Variants in WFDC10B observed in about 807,000 individuals in gnomAD.
WFDC10B encodes protein WFDC10B.
WFDC10B carries 1 observed loss-of-function variant against 2.7 expected under a neutral mutation model. The observed-to-expected ratio is 0.38, with a 90% CI of 0.13 to 1.79. The LOEUF is 1.79. Ranked by LOEUF, WFDC10B falls within the 40% of genes most tolerant of loss-of-function variation. The pLI is 0.33. For synonymous variants in WFDC10B, 26 were observed against 32.2 expected, an observed-to-expected ratio of 0.81 and a Z score of 0.65; for missense variants, 71 against 87.8, an observed-to-expected ratio of 0.81 and a Z score of 0.76.
Position 45,704,521 on chromosome 20 carries a change from G to A in WFDC10B, c.-89C>T, listed in dbSNP as rs950993784. ...CCTGTGTACAATGCAGGAAGATTGCGAGAAAGGATTTCAGTGCTGTTCCTC... is the reference window on the plus strand; with the variant it reads ...CCTGTGTACAATGCAGGAAGATTGCAAGAAAGGATTTCAGTGCTGTTCCTC... On this transcript the variant is annotated 5_prime_UTR_variant, in exon 2 of 4. Coordinates refer to ENST00000330523, the MANE Select transcript of WFDC10B (RefSeq NM_172006.2). 19 of 1,614,008 alleles carry A rather than the reference G, an allele frequency of 1.2e-5. No individual in the cohort carries two copies. Among genetic ancestry groups the A allele is most frequent in the African/African-American group, 5.3e-5 (4 of 74,908 alleles).
At position 45,690,683 on chromosome 20, in the gene WFDC10B, G is replaced by GATAC. The variant is rs1422155325; in HGVS notation, c.-64-4631_-64-4628dup. Among the ~76,000 whole-genome samples the GATAC allele has an allele frequency of 1.2e-3, 185 of 152,200 alleles. 2 individuals carry two copies. The highest frequency in any genetic ancestry group is 3.5e-3 in the African/African-American group (144 of 41,536). On this transcript the variant is annotated intron_variant, in intron 2 of 3. Coordinates refer to ENST00000330523, the MANE Select transcript of WFDC10B (RefSeq NM_172006.2). ...TTTGTATTTCTGTGGGATCGGTGGT[G>GATAC]ATACCCCTTTATCATTTTTTATTGC...
chr20:45,689,470 T>C (rs1983737160), intron 2 of WFDC10B, among the ~76,000 whole-genome samples: 1 of 152,174 alleles, frequency 6.6e-6, no homozygotes, highest in South Asian at 2.1e-4. Flanking sequence ...TTCCTAGCCA[T>C]GAGCATGGAA....
intron 2 of WFDC10B, among the ~76,000 whole-genome samples, chr20:45,696,736 A>G: frequency 6.6e-6 from 1 of 152,316 alleles, no homozygotes; most frequent in African/African-American, 2.4e-5. Context: ...CCTATAACAA[A>G]TAAAGAGATA....
chr20:45,704,626 T>C lies in WFDC10B; in HGVS notation c.-129-65A>G, dbSNP rs753649665. 1.2e-5 allele frequency: 19 copies of C among 1,609,646 alleles called. 1 individual carries two copies. In the South Asian group the frequency reaches 2.0e-4, roughly 17 times the overall value. On this transcript the variant is annotated intron_variant, in intron 1 of 3. Coordinates refer to ENST00000330523, the MANE Select transcript of WFDC10B (RefSeq NM_172006.2). ...GATATCTCATATCCAGGTCTGATCC[T>C]AGAGCTGCTGGTGGGAGCCCAGCAG...
intron 2 of WFDC10B, among the ~76,000 whole-genome samples, chr20:45,693,918 C>T (rs1600958976): frequency 6.6e-6 from 1 of 152,344 alleles, no homozygotes; most frequent in Non-Finnish European, 1.5e-5. Flanking sequence ...CCGTCCTCTT[C>T]ATCGCTCACG....
chr20:45,703,399 T>G (rs918119202), intron 2 of WFDC10B, among the ~76,000 whole-genome samples: 1 of 152,236 alleles, frequency 6.6e-6, no homozygotes, highest in African/African-American at 2.4e-5. Context: ...ACTACAGTTA[T>G]AGTCATGACC....
At chr20:45,694,687 G>A (rs1041386315) in intron 2 of WFDC10B, among the ~76,000 whole-genome samples, 1 of 152,128 alleles carries the variant, frequency 6.6e-6, no homozygotes, top group Non-Finnish European at 1.5e-5. Flanking sequence ...AGTGATGGGT[G>A]TGTCTTTTGA....
At chr20:45,685,332 A>G (rs978422546) in intron 3 of WFDC10B, among the ~76,000 whole-genome samples, 2 of 152,032 alleles carry the variant, frequency 1.3e-5, no homozygotes, top group African/African-American at 4.8e-5. Flanking sequence ...AGTCTCCAGA[A>G]TTTGCAGAGC....
At chr20:45,690,584 G>A (rs930925093) in intron 2 of WFDC10B, among the ~76,000 whole-genome samples, 19 of 151,886 alleles carry the variant, frequency 1.3e-4, no homozygotes, top group African/African-American at 2.7e-4. Context: ...TGTACGTGTC[G>A]AGGAATTTAT....
chr20:45,700,344 A>G (rs1984114953), intron 2 of WFDC10B, among the ~76,000 whole-genome samples: 1 of 152,244 alleles, frequency 6.6e-6, no homozygotes, highest in South Asian at 2.1e-4. Flanking sequence ...GCTGCTACTC[A>G]GCACATCCTA....
intron 2 of WFDC10B, among the ~76,000 whole-genome samples, chr20:45,688,324 G>A (rs1054664871): frequency 9.2e-5 from 14 of 151,794 alleles, no homozygotes; most frequent in South Asian, 2.1e-4. Flanking sequence ...GAATACTGCC[G>A]CAATAAACAT....
chr20:45,701,098 A>G (rs1489236986), intron 2 of WFDC10B, among the ~76,000 whole-genome samples: 1 of 152,236 alleles, frequency 6.6e-6, no homozygotes, highest in African/African-American at 2.4e-5. Context: ...GTGATGGTGC[A>G]TCTATTGTGC....
intron 2 of WFDC10B, chr20:45,704,292 G>A (rs1984295613): frequency 3.1e-6 from 3 of 957,238 alleles, no homozygotes; most frequent in Admixed American, 3.0e-5. Context: ...GAGGAAGGCA[G>A]CAGCTGAGGA....
chr20:45,689,180 G>A (rs899998081), intron 2 of WFDC10B, among the ~76,000 whole-genome samples: 1 of 150,360 alleles, frequency 6.7e-6, no homozygotes, highest in African/African-American at 2.5e-5. Flanking sequence ...TGAGGGCTCT[G>A]TTCTGTTCCA....
chr20:45,697,880 A>G (rs1322907628), intron 2 of WFDC10B, among the ~76,000 whole-genome samples: 1 of 151,132 alleles, frequency 6.6e-6, no homozygotes, highest in Non-Finnish European at 1.5e-5. Flanking sequence ...AGTAGCTGGG[A>G]CTACCAGAGT....
At position 45,684,995 on chromosome 20, in the gene WFDC10B, T is replaced by C. The variant is rs115589518; in HGVS notation, c.92-35A>G. ...TGCAGGAGCAGGGTCAATGAAACCA[T>C]GCACCTATAGAGCAGCCTTCTCAAG... is the stretch of plus-strand genomic sequence containing the variant. On this transcript the variant is annotated intron_variant, in intron 3 of 3. Coordinates refer to ENST00000330523, the MANE Select transcript of WFDC10B (RefSeq NM_172006.2). 843 of 1,612,456 alleles carry C rather than the reference T, an allele frequency of 5.2e-4. 4 individuals carry two copies. In the African/African-American group the frequency reaches 1.0e-2, roughly 19 times the overall value.
intron 2 of WFDC10B, among the ~76,000 whole-genome samples, chr20:45,687,647 A>G (rs1472703962): frequency 1.3e-5 from 2 of 152,034 alleles, no homozygotes; most frequent in African/African-American, 4.8e-5. Context: ...AAGCGTTCCT[A>G]TTTCTCCACA....
At position 45,704,991 on chromosome 20, in the gene WFDC10B, TC is replaced by T; in HGVS notation, c.-204del. 1 of 1,614,142 alleles carries T rather than the reference TC, an allele frequency of 6.2e-7. No homozygotes were observed. Among genetic ancestry groups the T allele is most frequent in the South Asian group, 1.1e-5 (1 of 91,084 alleles). ...CTTGCCCTCCTTTCACAAGACACCA[TC>T]CTTTGGCCACCAGTGTTCTTGGGCT... On this transcript the variant is annotated 5_prime_UTR_variant, in exon 1 of 4. Transcript: ENST00000330523.
chr20:45,693,662 G>A lies in WFDC10B; in HGVS notation c.-64-7606C>T, dbSNP rs182036001. Among the ~76,000 whole-genome samples, 72 of 152,292 alleles carry A rather than the reference G, an allele frequency of 4.7e-4. 1 individual carries two copies. Among genetic ancestry groups the A allele is most frequent in the Middle Eastern group, 3.4e-3 (1 of 294 alleles). ...GTGGGATATAATCTCCTGGTGCGCC[G>A]TTTTTTAAGCCTGTCGGAAAAGCAC... On this transcript the variant is annotated intron_variant, in intron 2 of 3. Coordinates refer to ENST00000330523, the MANE Select transcript of WFDC10B (RefSeq NM_172006.2).
Sources: gnomAD v4.1 joint callset for allele counts (sites outside exome capture counted in the v4.1 genomes callset) on GRCh38, gnomAD v4.1.1 for gene constraint, MANE v1.5 for transcripts, NCBI Gene and HGNC (gene_info 2026-07-23, HGNC 2026-07-21) for gene names.